Variants in SKIC3 observed in about 807,000 individuals in gnomAD.
The protein encoded by SKIC3 is superkiller complex protein 3.
chr5:95,515,225 T>C, the SKIC3 span, among the ~76,000 whole-genome samples: 1 of 152,108 alleles, frequency 6.6e-6, no homozygotes, highest in Non-Finnish European at 1.5e-5. Context: ...TAGATAGCCA[T>C]AGGTTTGAAG....
chr5:95,490,506 T>TA, the SKIC3 span, among the ~76,000 whole-genome samples: 105 of 128,122 alleles, frequency 8.2e-4, no homozygotes, highest in African/African-American at 2.6e-3. Flanking sequence ...ATATATATAT[T>TA]TTTTTTTTTG....
At chr5:95,494,926 AT>A in the SKIC3 span, 1 of 1,607,358 alleles carries the variant, frequency 6.2e-7, no homozygotes, top group Non-Finnish European at 8.5e-7. Context: ...ATATTATTTA[AT>A]AAATTCAACA....
chr5:95,528,293 C>A, the SKIC3 span: 2 of 1,005,242 alleles, frequency 2.0e-6, no homozygotes, highest in Non-Finnish European at 1.5e-6. Flanking sequence ...TAACTCAAAG[C>A]TAAATATAAA....
chr5:95,469,052 A>G, the SKIC3 span, among the ~76,000 whole-genome samples: 1 of 152,144 alleles, frequency 6.6e-6, no homozygotes, highest in Non-Finnish European at 1.5e-5. Flanking sequence ...CTACATATTT[A>G]TATGTACTAA....
chr5:95,546,487 C>T, the SKIC3 span, among the ~76,000 whole-genome samples: 7 of 152,206 alleles, frequency 4.6e-5, no homozygotes, highest in African/African-American at 1.4e-4. Flanking sequence ...GAAAGCTTTT[C>T]CCAACACCAA....
the SKIC3 span, chr5:95,478,394 T>C: frequency 5.6e-6 from 9 of 1,613,810 alleles, no homozygotes; most frequent in African/African-American, 9.3e-5. Context: ...CTGTAACACA[T>C]CTCTGCAGCT....
the SKIC3 span, among the ~76,000 whole-genome samples, chr5:95,534,898 C>T: frequency 2.0e-5 from 3 of 152,346 alleles, no homozygotes; most frequent in East Asian, 5.8e-4. Context: ...GGGCATTTCT[C>T]ATTAACTGCC....
chr5:95,478,239 GA>G, the SKIC3 span: 1 of 1,603,644 alleles, frequency 6.2e-7, no homozygotes, highest in Non-Finnish European at 8.5e-7. Context: ...TCACGTCAAA[GA>G]AAGATAAAAA....
the SKIC3 span, among the ~76,000 whole-genome samples, chr5:95,547,582 C>T: frequency 3.3e-5 from 5 of 151,988 alleles, no homozygotes; most frequent in Non-Finnish European, 5.9e-5. Context: ...TCCCCAGGAC[C>T]TAGTATCTTA....
chr5:95,544,322 G>T, the SKIC3 span, among the ~76,000 whole-genome samples: 1 of 152,184 alleles, frequency 6.6e-6, no homozygotes, highest in East Asian at 1.9e-4. Flanking sequence ...CCCAGTAGCT[G>T]CCATGACTCT....
the SKIC3 span, chr5:95,504,070 AGGCCCAGGC>A: frequency 6.2e-6 from 1 of 162,278 alleles, no homozygotes; most frequent in Non-Finnish European, 1.1e-5. Flanking sequence ...GCACTTTGGG[AGGCCCAGGC>A]GGGGGGTGGG....
chr5:95,469,803 T>C, the SKIC3 span: 5 of 1,614,128 alleles, frequency 3.1e-6, no homozygotes, highest in Non-Finnish European at 4.2e-6. Flanking sequence ...TGCGTTTGAA[T>C]TGTAACAAAG....
chr5:95,477,396 G>A, the SKIC3 span, among the ~76,000 whole-genome samples: 4 of 152,142 alleles, frequency 2.6e-5, no homozygotes, highest in Non-Finnish European at 4.4e-5. Flanking sequence ...CAAATGCCTA[G>A]TTAAAGTGAG....
At chr5:95,512,373 T>C in the SKIC3 span, 1 of 1,370,340 alleles carries the variant, frequency 7.3e-7, no homozygotes, top group East Asian at 2.5e-5. Context: ...ATTCATGTCT[T>C]AAAGAATACC....
At chr5:95,540,047 T>C in the SKIC3 span, among the ~76,000 whole-genome samples, 23 of 152,196 alleles carry the variant, frequency 1.5e-4, no homozygotes, top group South Asian at 1.2e-3. Flanking sequence ...AATTGTGATA[T>C]ATATACATAT....
chr5:95,544,066 A>G, the SKIC3 span, among the ~76,000 whole-genome samples: 14 of 152,348 alleles, frequency 9.2e-5, no homozygotes, highest in African/African-American at 2.9e-4. Context: ...TAAGCGAGTC[A>G]TATTATTAGA....
At chr5:95,496,166 C>A in the SKIC3 span, among the ~76,000 whole-genome samples, 4 of 151,930 alleles carry the variant, frequency 2.6e-5, no homozygotes, top group Non-Finnish European at 5.9e-5. Context: ...TACAGGCGTG[C>A]GCCACCATGC....
chr5:95,541,286 C>A, the SKIC3 span: 1 of 1,612,268 alleles, frequency 6.2e-7, no homozygotes, highest in South Asian at 1.1e-5. Context: ...TAAAAGAAGT[C>A]AGAAAATCAT....
the SKIC3 span, among the ~76,000 whole-genome samples, chr5:95,531,684 T>C: frequency 6.6e-6 from 1 of 152,156 alleles, no homozygotes; most frequent in Non-Finnish European, 1.5e-5. Flanking sequence ...ACCTAAGAAT[T>C]TGCATTTCTA....
Sources: gnomAD v4.1 joint callset for allele counts (sites outside exome capture counted in the v4.1 genomes callset) on GRCh38, gnomAD v4.1.1 for gene constraint, MANE v1.5 for transcripts, NCBI Gene and HGNC (gene_info 2026-07-23, HGNC 2026-07-21) for gene names.